PARL: variants seen among roughly 807,000 people sequenced by gnomAD.
PARL encodes presenilin-associated rhomboid-like protein, mitochondrial.
Under a neutral mutation model 51.6 loss-of-function variants are expected in PARL, and 44 were observed. The observed-to-expected ratio is 0.85, with a 90% confidence interval of 0.67 to 1.10. The LOEUF (loss-of-function observed/expected upper bound fraction) is 1.10, where lower values mean the gene tolerates loss of function less well. Among genes scored for constraint, PARL ranks in the 50% least tolerant of loss-of-function variants. The pLI, the probability that PARL is intolerant of heterozygous loss-of-function variation, is 0.00. For synonymous variants in PARL, 172 were observed against 164.0 expected (o/e 1.05, Z -0.37); for missense variants, 441 against 469.5 (o/e 0.94, Z 0.56).
chr3:183,851,001 T>C (rs1730481378), intron 4 of PARL, among the ~76,000 whole-genome samples: 1 of 152,190 alleles, frequency 6.6e-6, no homozygotes, highest in Non-Finnish European at 1.5e-5. Context: ...ACCCATACGA[T>C]TACGGTCACC....
In PARL at chr3:183,834,886, CAAA is replaced by C. The variant is rs60078452; in HGVS notation, c.829-1064_829-1062del. On this transcript the variant is annotated intron_variant, in intron 7 of 9. Coordinates refer to ENST00000317096, the MANE Select transcript of PARL (RefSeq NM_018622.7). ...TAAAACCCCGTCTCTACTAAAAATA[CAAA>C]AAAAAAAAAAAAAAAAAAAATTAGC... Among the ~76,000 whole-genome samples the C allele has an allele frequency of 8.1e-3, 884 of 108,626 alleles. 6 individuals are homozygous for C. Among genetic ancestry groups the C allele is most frequent in the African/African-American group, 0.032 (832 of 25,796 alleles). The allele number at this position is 108,626 out of a possible 152,430, so 71.3% of individuals were successfully genotyped here. A position where few individuals can be genotyped will look rare whatever the true frequency, so the allele number is the denominator to read the frequency against.
rs75070033 is a variant in PARL, at chr3:183,848,327, C to T, written c.512-4001G>A. On this transcript the variant is annotated intron_variant, in intron 4 of 9. Transcript: ENST00000317096. Reference sequence around the variant, plus strand: ...CGCAATCTCCGCTCACTGAAAGCTCCGCCTCCCGGGTTCACACCATTCTCC... The same window carrying T: ...CGCAATCTCCGCTCACTGAAAGCTCTGCCTCCCGGGTTCACACCATTCTCC... 1.0e-2 allele frequency among the ~76,000 whole-genome samples: 1,522 copies of T among 152,228 alleles called. 17 individuals are homozygous for T. The highest frequency in any genetic ancestry group is 0.014 in the Non-Finnish European group (933 of 68,018).
At chr3:183,857,089 C>T (rs1303042752) in intron 4 of PARL, among the ~76,000 whole-genome samples, 2 of 152,130 alleles carry the variant, frequency 1.3e-5, no homozygotes, top group Non-Finnish European at 2.9e-5. Flanking sequence ...GCTGGCCAGG[C>T]ACAGTGGTTC....
At chr3:183,827,750 G>C (rs921785043), downstream of PARL, among the ~76,000 whole-genome samples, 1 of 146,268 alleles carries the variant, frequency 6.8e-6, no homozygotes, top group Non-Finnish European at 1.5e-5. Flanking sequence ...TGTGCAGGGC[G>C]GGGGGGTGGT....
chr3:183,884,021 A>G (rs1294453459), intron 1 of PARL, among the ~76,000 whole-genome samples: 1 of 152,250 alleles, frequency 6.6e-6, no homozygotes, highest in Admixed American at 6.5e-5. Context: ...GTTTTGAACA[A>G]AAGAGGAGGA....
At chr3:183,883,101 T>C (rs1577411541) in intron 1 of PARL, among the ~76,000 whole-genome samples, 2 of 152,214 alleles carry the variant, frequency 1.3e-5, no homozygotes, top group Admixed American at 6.5e-5. Context: ...TAAATACTAA[T>C]CTTCAACATT....
chr3:183,833,851 T>C (rs372894362), intron 7 of PARL, 26 bp from the exon 8 acceptor site: 8 of 1,460,072 alleles, frequency 5.5e-6, no homozygotes, highest in Non-Finnish European at 7.7e-6. Context: ...GCAGGGAGAA[T>C]GGGAAACTCA....
chr3:183,867,984 C>G lies in PARL; in HGVS notation c.202G>C (p.Gly68Arg), dbSNP rs969266108. The change falls in exon 2 of 10, where the codon GGG becomes CGG. Residue 68 changes from glycine to arginine, a missense_variant. Transcript: ENST00000317096. ...CTCTTGTATGCTTCACCACTTGTCC[C>G]TGGGTCTGATCTTCGAGGTTCAACC... ...RKVEPRRSDP[G>R]TSGEAYKRSA... is the part of the protein sequence containing the mutation. 6.2e-7 allele frequency: 1 copy of G among 1,613,972 alleles called. No individual in the cohort carries two copies. Among genetic ancestry groups the G allele is most frequent in the African/African-American group, 1.3e-5 (1 of 74,938 alleles).
intron 1 of PARL, among the ~76,000 whole-genome samples, chr3:183,877,929 TC>T (rs1307002527): frequency 6.6e-6 from 1 of 152,062 alleles, no homozygotes; most frequent in East Asian, 1.9e-4. Context: ...TAGCTGGGAC[TC>T]CAGGCACACA....
rs1729177818 is a variant in PARL at position 183,840,589 on chromosome 3, TA to T, written c.808del (p.Tyr270MetfsTer12). 3 of 1,542,562 alleles carry T rather than the reference TA, an allele frequency of 1.9e-6. No individual in the cohort carries two copies. The highest frequency in any genetic ancestry group is 1.8e-6 in the Non-Finnish European group (2 of 1,121,468). On this transcript the variant is annotated frameshift_variant, in exon 7 of 10. Transcript: ENST00000317096. LOFTEE classifies it high-confidence loss of function. The part of the protein sequence containing the change: ...SYVGKVATGR[Y>X]GPSLGASGAI... Reference sequence around the variant, plus strand: ...ACTTACTGCACCAAGTGATGGTCCATATCTTCCTGTGGCAACTTTACCCACG... The same window carrying T: ...ACTTACTGCACCAAGTGATGGTCCATTCTTCCTGTGGCAACTTTACCCACG...
intron 4 of PARL, chr3:183,846,628 C>A: frequency 2.0e-6 from 2 of 985,416 alleles, no homozygotes; most frequent in Non-Finnish European, 2.4e-6. Context: ...CTGAAACAGA[C>A]TGTAGCCAAA....
chr3:183,884,265 A>T, intron 1 of PARL, among the ~76,000 whole-genome samples: 1 of 152,220 alleles, frequency 6.6e-6, no homozygotes, highest in East Asian at 1.9e-4. Flanking sequence ...GCCAGACACA[A>T]AGTGATACCT....
rs140027735 is a variant in PARL, at chr3:183,833,521, C to T, written c.999G>A (p.Ala333=). Residue 333 remains alanine, a synonymous_variant, in exon 9 of 10, where the codon GCG becomes GCA. Coordinates refer to ENST00000317096, the MANE Select transcript of PARL (RefSeq NM_018622.7). ...MILGWKFFDH[A]AHLGGALFGI... ...CAAAAAGAGCTCCCCCAAGATGTGC[C>T]GCATGATCAAAAAATTTCCATCCCA... 1.1e-5 allele frequency: 18 copies of T among 1,613,046 alleles called. No homozygotes were observed. Among genetic ancestry groups the T allele is most frequent in the South Asian group, 5.5e-5 (5 of 91,072 alleles).
chr3:183,870,915 C>G (rs1337130209), intron 1 of PARL, among the ~76,000 whole-genome samples: 1 of 152,096 alleles, frequency 6.6e-6, no homozygotes, highest in African/African-American at 2.4e-5. Flanking sequence ...TAATATATCT[C>G]CTCCTCCAGG....
intron 4 of PARL, among the ~76,000 whole-genome samples, chr3:183,845,792 T>C (rs1385571311): frequency 3.3e-5 from 5 of 152,166 alleles, no homozygotes; most frequent in Non-Finnish European, 5.9e-5. Flanking sequence ...CTGGATTCCT[T>C]AGATTCCTTT....
intron 7 of PARL, among the ~76,000 whole-genome samples, chr3:183,834,975 C>T (rs565831243): frequency 5.3e-5 from 8 of 151,186 alleles, no homozygotes; most frequent in South Asian, 4.2e-4. Flanking sequence ...CCGAGAATTG[C>T]TTGAACCCGG....
chr3:183,882,609 T>C (rs1366236873), intron 1 of PARL, among the ~76,000 whole-genome samples: 4 of 152,168 alleles, frequency 2.6e-5, no homozygotes, highest in East Asian at 1.9e-4. Flanking sequence ...ACAGTAAAGT[T>C]TACAAGGAGC....
At chr3:183,880,604 G>A (rs1306988264) in intron 1 of PARL, among the ~76,000 whole-genome samples, 1 of 151,686 alleles carries the variant, frequency 6.6e-6, no homozygotes, top group African/African-American at 2.4e-5. Context: ...GTTTCACCAC[G>A]TTGGCCAGGG....
chr3:183,873,154 A>T (rs1300408966), intron 1 of PARL, among the ~76,000 whole-genome samples: 2 of 152,200 alleles, frequency 1.3e-5, no homozygotes, highest in South Asian at 4.1e-4. Context: ...AAGTAATGCC[A>T]CTTTGGGCCA....
Sources: allele counts gnomAD v4.1 joint callset (sites outside exome capture counted in the v4.1 genomes callset), GRCh38; gene constraint gnomAD v4.1.1; transcripts MANE v1.5; gene names NCBI Gene and HGNC (gene_info 2026-07-23, HGNC 2026-07-21).